The following DCDC2 variants were observed in gnomAD, a reference collection of about 807,000 sequenced individuals.
DCDC2 encodes the protein doublecortin domain-containing protein 2.
In DCDC2, 40 loss-of-function variants were observed where a neutral mutation model predicts 50.2. That is an observed-to-expected ratio of 0.80 (90% CI 0.62 to 1.04). The LOEUF is 1.04. Ranked by LOEUF, DCDC2 falls within the 50% of genes least tolerant of loss-of-function variation. DCDC2 has a pLI of 0.00. For missense variants in DCDC2, 570 were observed against 581.9 expected (o/e 0.98, Z 0.21); for synonymous variants, 234 against 210.6 (o/e 1.11, Z -0.96).
rs539381970 is a variant in DCDC2 at position 24,321,999 on chromosome 6, T to C, written c.349-19955A>G. 9.8e-5 allele frequency among the ~76,000 whole-genome samples: 15 copies of C among 152,338 alleles called. No homozygotes were observed. The East Asian group carries it at 2.9e-3, about 29-fold the overall frequency. ...TGGCTATCTAAAAGGGTAAGATTTC[T>C]TTTTGTCTTTGCAATCGTTTCATGG... is the stretch of plus-strand genomic sequence containing the variant. On this transcript the variant is annotated intron_variant, in intron 2 of 9. Coordinates refer to ENST00000378454, the MANE Select transcript of DCDC2 (RefSeq NM_016356.5).
intron 8 of DCDC2, among the ~76,000 whole-genome samples, chr6:24,190,277 C>T (rs1188375450): frequency 1.3e-5 from 2 of 152,074 alleles, no homozygotes; most frequent in African/African-American, 2.4e-5. Flanking sequence ...TGAAAACATA[C>T]TTAGATGGCA....
chr6:24,218,600 A>C (rs1762030554), intron 7 of DCDC2, among the ~76,000 whole-genome samples: 1 of 151,908 alleles, frequency 6.6e-6, no homozygotes, highest in Non-Finnish European at 1.5e-5. Context: ...CCATCCTCCC[A>C]CCTCAGCCTC....
intron 8 of DCDC2, among the ~76,000 whole-genome samples, chr6:24,193,740 A>T (rs1359196158): frequency 6.6e-6 from 1 of 152,138 alleles, no homozygotes; most frequent in Non-Finnish European, 1.5e-5. Flanking sequence ...AGGGAAAGGT[A>T]TCTGTATGTG....
At chr6:24,349,982 TC>T (rs1009937972) in intron 2 of DCDC2, among the ~76,000 whole-genome samples, 8 of 151,758 alleles carry the variant, frequency 5.3e-5, no homozygotes, top group Middle Eastern at 3.4e-3. Flanking sequence ...GTTTCTTTAT[TC>T]CCCCCCTCCA....
At chr6:24,181,608 C>G (rs1761073762) in intron 8 of DCDC2, among the ~76,000 whole-genome samples, 1 of 152,086 alleles carries the variant, frequency 6.6e-6, no homozygotes. Flanking sequence ...GAATAAAACA[C>G]TTAGGAGTTA....
chr6:24,219,676 C>T (rs901062287), intron 7 of DCDC2, among the ~76,000 whole-genome samples: 10 of 152,168 alleles, frequency 6.6e-5, no homozygotes, highest in African/African-American at 2.4e-4. Flanking sequence ...AAGGGCCCTA[C>T]CCATTGATTT....
intron 7 of DCDC2, among the ~76,000 whole-genome samples, chr6:24,235,838 G>A (rs1762431237): frequency 6.6e-6 from 1 of 152,058 alleles, no homozygotes; most frequent in African/African-American, 2.4e-5. Context: ...GCCAAATCAA[G>A]AACATAATCC....
intron 7 of DCDC2, among the ~76,000 whole-genome samples, chr6:24,210,071 T>C (rs9467077): frequency 0.19 from 26,271 of 140,600 alleles, 2,542 homozygotes; most frequent in East Asian, 0.35. Context: ...TGTCTGTCTG[T>C]CTGCCTGCCT....
chr6:24,208,473 C>T (rs1326105501), intron 7 of DCDC2, among the ~76,000 whole-genome samples: 1 of 151,018 alleles, frequency 6.6e-6, no homozygotes, highest in African/African-American at 2.4e-5. Flanking sequence ...CAGGTTCACA[C>T]CATTCTCCTG....
chr6:24,240,225 T>C (rs528143850), intron 7 of DCDC2, among the ~76,000 whole-genome samples: 49 of 152,336 alleles, frequency 3.2e-4, no homozygotes, highest in Admixed American at 2.3e-3. Flanking sequence ...CCTGATTATT[T>C]GTTAGATTAG....
intron 2 of DCDC2, among the ~76,000 whole-genome samples, chr6:24,330,717 A>G (rs1367221335): frequency 2.6e-5 from 4 of 151,988 alleles, no homozygotes; most frequent in African/African-American, 9.7e-5. Context: ...GGGCAGCCAT[A>G]GCAACTGAGG....
At chr6:24,221,828 C>A (rs1290181285) in intron 7 of DCDC2, among the ~76,000 whole-genome samples, 1 of 152,182 alleles carries the variant, frequency 6.6e-6, no homozygotes, top group Non-Finnish European at 1.5e-5. Context: ...CTCCATGATG[C>A]CTTTTATTAC....
intron 2 of DCDC2, 190 bp downstream of exon 2, chr6:24,353,379 T>A: frequency 1.5e-6 from 1 of 647,778 alleles, no homozygotes; most frequent in Non-Finnish European, 2.9e-6. Flanking sequence ...TCTTAGAACA[T>A]CTACTCAGTC....
intron 7 of DCDC2, among the ~76,000 whole-genome samples, chr6:24,266,134 T>C (rs1485212310): frequency 6.6e-6 from 1 of 152,108 alleles, no homozygotes; most frequent in Non-Finnish European, 1.5e-5. Context: ...GAAAACTGGA[T>C]ATCCATATGC....
At chr6:24,210,319 CT>C (rs1423772732) in intron 7 of DCDC2, among the ~76,000 whole-genome samples, 4 of 152,084 alleles carry the variant, frequency 2.6e-5, no homozygotes, top group African/African-American at 9.7e-5. Context: ...ACATATATAT[CT>C]ATCTAACTGT....
chr6:24,334,268 G>A (rs1760017903), intron 2 of DCDC2, among the ~76,000 whole-genome samples: 1 of 152,176 alleles, frequency 6.6e-6, no homozygotes, highest in Admixed American at 6.5e-5. Flanking sequence ...ATACTTACTG[G>A]AAATGCTGGA....
chr6:24,252,481 C>A (rs567376048), intron 7 of DCDC2, among the ~76,000 whole-genome samples: 1 of 151,956 alleles, frequency 6.6e-6, no homozygotes, highest in African/African-American at 2.4e-5. Flanking sequence ...GGAAAAAGGG[C>A]GATGATTGAA....
At chr6:24,281,169 C>T (rs989556930) in intron 6 of DCDC2, among the ~76,000 whole-genome samples, 4 of 152,014 alleles carry the variant, frequency 2.6e-5, no homozygotes, top group African/African-American at 9.7e-5. Flanking sequence ...TTTGGAGTAT[C>T]AAGAAAGACT....
Position 24,357,867 on chromosome 6 carries a change from G to C in DCDC2, c.-117C>G. 3.8e-6 allele frequency: 6 copies of C among 1,581,118 alleles called. No individual in the cohort carries two copies. The highest frequency in any genetic ancestry group is 5.2e-6 in the Non-Finnish European group (6 of 1,162,728). ...CGCCTCCTGAAACGAACGAGAAACT[G>C]ACGAATCCACAGGTGAAAGAGAAGT... On this transcript the variant is annotated 5_prime_UTR_variant, in exon 1 of 10. Coordinates refer to ENST00000378454, the MANE Select transcript of DCDC2 (RefSeq NM_016356.5).
Sources: gnomAD v4.1 joint callset for allele counts (sites outside exome capture counted in the v4.1 genomes callset) on GRCh38, gnomAD v4.1.1 for gene constraint, MANE v1.5 for transcripts, NCBI Gene and HGNC (gene_info 2026-07-23, HGNC 2026-07-21) for gene names.